UNC13B: variants seen among roughly 807,000 people sequenced by gnomAD.
UNC13B encodes the protein protein unc-13 homolog B.
A neutral mutation model predicts 211.0 loss-of-function variants in UNC13B; 144 were observed. The observed-to-expected ratio is 0.68, with a 90% CI of 0.60 to 0.78. UNC13B has a LOEUF of 0.78. Among genes scored for constraint, UNC13B ranks in the 30% least tolerant of loss-of-function variants. The probability of loss-of-function intolerance (pLI) is 0.00; values close to 1 mark genes in which losing one functional copy is unlikely to be tolerated. For missense variants in UNC13B, 1,777 were observed against 2,002.0 expected (o/e 0.89, Z 2.14); for synonymous variants, 709 against 725.8 (o/e 0.98, Z 0.37).
Position 35,237,831 on chromosome 9 carries a change from G to A in UNC13B, c.394+5G>A. 1 of 1,597,538 alleles carries A rather than the reference G, an allele frequency of 6.3e-7. No homozygotes were observed. Among genetic ancestry groups the A allele is most frequent in the Non-Finnish European group, 8.5e-7 (1 of 1,175,684 alleles). ...CAAGATTTGAGTTGCCTTTTGGTGA[G>A]TAAAATTTTAAAACTATTTAATAAT... On this transcript the variant is annotated splice_donor_5th_base_variant and intron_variant, in intron 5 of 39. Coordinates refer to ENST00000635942, the MANE Select transcript of UNC13B (RefSeq NM_001371189.2).
intron 12 of UNC13B, among the ~76,000 whole-genome samples, chr9:35,368,352 C>T (rs1308132092): frequency 3.3e-5 from 5 of 152,162 alleles, no homozygotes; most frequent in Non-Finnish European, 7.4e-5. Flanking sequence ...GAATAGTGGC[C>T]TCCAGCTCCA....
rs1692039815 is a variant in UNC13B at position 35,310,638 on chromosome 9, A to G, written c.9180A>G (p.Gly3060=). 1 of 1,614,010 alleles carries G rather than the reference A, an allele frequency of 6.2e-7. No individual in the cohort carries two copies. The highest frequency in any genetic ancestry group is 1.3e-5 in the African/African-American group (1 of 74,988). ...SLSRDGQAGF[G]EQEKPLEVTG... ...CCAGAGATGGCCAAGCAGGTTTTGG[A>G]GAACAAGAGAAACCCTTGGAGGTGA... Residue 3060 remains glycine (G), a synonymous_variant, in exon 10 of 40, where the codon GGA becomes GGG. Coordinates refer to ENST00000635942, the MANE Select transcript of UNC13B (RefSeq NM_001371189.2).
chr9:35,395,962 GCT>G (rs901212594), intron 26 of UNC13B, among the ~76,000 whole-genome samples: 1 of 152,098 alleles, frequency 6.6e-6, no homozygotes, highest in Non-Finnish European at 1.5e-5. Context: ...CTGCCCAACT[GCT>G]CTGTCAACTT....
intron 1 of UNC13B, among the ~76,000 whole-genome samples, chr9:35,225,880 C>A (rs147693687): frequency 1.3e-5 from 2 of 152,052 alleles, no homozygotes; most frequent in South Asian, 4.2e-4. Context: ...TGGATCCCCG[C>A]GGTGACGTGT....
chr9:35,182,464 A>T (rs1457453434), intron 1 of UNC13B, among the ~76,000 whole-genome samples: 1 of 151,084 alleles, frequency 6.6e-6, no homozygotes, highest in South Asian at 2.1e-4. Context: ...ATTTTTATTT[A>T]TTTTTATTTT....
intron 11 of UNC13B, among the ~76,000 whole-genome samples, chr9:35,334,454 G>A (rs1395821205): frequency 6.6e-6 from 1 of 152,202 alleles, no homozygotes; most frequent in African/African-American, 2.4e-5. Flanking sequence ...CCATGCAGAT[G>A]TTTGAGTCTC....
At chr9:35,388,539 A>G (rs1835328770) in intron 24 of UNC13B, among the ~76,000 whole-genome samples, 1 of 152,230 alleles carries the variant, frequency 6.6e-6, no homozygotes, top group African/African-American at 2.4e-5. Context: ...GACTTTGGAC[A>G]AGTCATGTAA....
chr9:35,300,028 T>C, intron 8 of UNC13B, 138 bp from the exon 9 acceptor site: 1 of 396,040 alleles, frequency 2.5e-6, no homozygotes, highest in Non-Finnish European at 4.5e-6. Context: ...TAAAAGAAAT[T>C]AGAACCCTTT....
chr9:35,328,837 T>G (rs1047850898), intron 11 of UNC13B, among the ~76,000 whole-genome samples: 2 of 151,184 alleles, frequency 1.3e-5, no homozygotes, highest in Non-Finnish European at 3.0e-5. Context: ...GTGTGATCTC[T>G]GCTCACTGCA....
intron 7 of UNC13B, among the ~76,000 whole-genome samples, chr9:35,259,316 C>T (rs2210512): frequency 0.15 from 22,590 of 151,886 alleles, 1,955 homozygotes; most frequent in Admixed American, 0.25. Flanking sequence ...ATGATTTAAC[C>T]CCCTCTATCC....
chr9:35,299,523 T>A (rs1829567119), intron 8 of UNC13B, among the ~76,000 whole-genome samples: 1 of 152,198 alleles, frequency 6.6e-6, no homozygotes, highest in African/African-American at 2.4e-5. Context: ...TGGTACAACA[T>A]GTTTCATTTT....
At chr9:35,240,357 G>A (rs1214927214) in intron 5 of UNC13B, among the ~76,000 whole-genome samples, 1 of 152,094 alleles carries the variant, frequency 6.6e-6, no homozygotes, top group Non-Finnish European at 1.5e-5. Flanking sequence ...TATGATCTCA[G>A]TGTATTTGTA....
At chr9:35,277,451 A>G (rs1036299262) in intron 7 of UNC13B, among the ~76,000 whole-genome samples, 9 of 152,216 alleles carry the variant, frequency 5.9e-5, no homozygotes, top group African/African-American at 1.4e-4. Flanking sequence ...TAGAAATGAC[A>G]TTGAAGCAGA....
chr9:35,396,543 C>G lies in UNC13B; in HGVS notation c.11376C>G (p.Leu3792=). The change falls in exon 27 of 40, where the codon CTC becomes CTG. Residue 3792 remains leucine (L), a synonymous_variant. Transcript: ENST00000635942. ...ACCTGCACTTCAAGGTGAAGTGGCT[C>G]CACAATGAATACGTGCGGGATCTGC... ...YMNLHFKVKW[L]HNEYVRDLPV... is the part of the protein sequence containing the mutation. The G allele has an allele frequency of 6.2e-7, 1 of 1,614,086 alleles. No homozygotes were observed. The highest frequency in any genetic ancestry group is 8.5e-7 in the Non-Finnish European group (1 of 1,180,026).
In UNC13B at chr9:35,230,935, C is replaced by A. The variant is rs139333405; in HGVS notation, c.53-185C>A. On this transcript the variant is annotated intron_variant, in intron 2 of 39. Coordinates refer to ENST00000635942, the MANE Select transcript of UNC13B (RefSeq NM_001371189.2). ...TTTTAGATTATGCTCTTGAAGATAG[C>A]ACGTAGTTTTATAATTTCGGCAACT... Among the ~76,000 whole-genome samples the A allele has an allele frequency of 4.7e-3, 716 of 152,148 alleles. 6 individuals are homozygous for A. The highest frequency in any genetic ancestry group is 0.014 in the African/African-American group (590 of 41,498).
rs73499384 is a variant in UNC13B at position 35,353,880 on chromosome 9, C to T, written c.9415-13067C>T. 6.4e-3 allele frequency: 6,585 copies of T among 1,029,968 alleles called. 289 individuals are homozygous for T. In the African/African-American group the frequency reaches 0.091, roughly 14 times the overall value. 63.8% of individuals were successfully genotyped at this position (1,029,968 alleles called of 1,614,324 possible). A position where few individuals can be genotyped will look rare whatever the true frequency, so the allele number is the denominator to read the frequency against. ...TGACCTCCATCTGGCCAGCATGAGA[C>T]CTGGTGTGGTGGCCAGTTTAATAAG... On this transcript the variant is annotated intron_variant, in intron 11 of 39. Transcript: ENST00000635942.
chr9:35,203,649 G>C (rs1316661457), intron 1 of UNC13B, among the ~76,000 whole-genome samples: 1 of 152,170 alleles, frequency 6.6e-6, no homozygotes, highest in African/African-American at 2.4e-5. Flanking sequence ...ATGATTTAGG[G>C]TATGTGGTGG....
At chr9:35,244,731 C>A (rs945160537) in intron 6 of UNC13B, among the ~76,000 whole-genome samples, 2 of 152,124 alleles carry the variant, frequency 1.3e-5, no homozygotes, top group African/African-American at 4.8e-5. Flanking sequence ...GAACAACAGT[C>A]ATTGAATTAA....
Position 35,380,614 on chromosome 9 carries a change from C to T in UNC13B, c.10350C>T (p.Gly3450=), listed in dbSNP as rs62543222. 43 of 1,614,028 alleles carry T rather than the reference C, an allele frequency of 2.7e-5. No individual in the cohort carries two copies. The highest frequency in any genetic ancestry group is 3.3e-4 in the Middle Eastern group (2 of 6,084). Reference sequence around the variant, plus strand: ...TCATTGAGGTTCGGACCCTAAGTGGCGAGATGGACGTCTGGTACAACTTGG... The same window carrying T: ...TCATTGAGGTTCGGACCCTAAGTGGTGAGATGGACGTCTGGTACAACTTGG... The part of the protein sequence containing the change: ...QTIIEVRTLS[G]EMDVWYNLEK... The change falls in exon 18 of 40, where the codon GGC becomes GGT. Residue 3450 remains glycine, a synonymous_variant. Coordinates refer to ENST00000635942, the MANE Select transcript of UNC13B (RefSeq NM_001371189.2).
Sources: gnomAD v4.1 joint callset for allele counts (sites outside exome capture counted in the v4.1 genomes callset) on GRCh38, gnomAD v4.1.1 for gene constraint, MANE v1.5 for transcripts, NCBI Gene and HGNC (gene_info 2026-07-23, HGNC 2026-07-21) for gene names.